The following XPO4 variants were observed in gnomAD, a reference collection of about 807,000 sequenced individuals.
The protein encoded by XPO4 is exportin 4, also known as exportin-4.
A neutral mutation model predicts 143.0 loss-of-function variants in XPO4; 39 were observed. The ratio of observed to expected loss-of-function variants is 0.27; its 90% CI spans 0.21 to 0.36. The LOEUF is 0.36. Among genes scored for constraint, XPO4 ranks in the 10% least tolerant of loss-of-function variants. XPO4 has a pLI of 1.00. For synonymous variants in XPO4, 439 were observed against 474.0 expected, an observed-to-expected ratio of 0.93 and a Z score of 0.96; for missense variants, 907 against 1,348.0, an observed-to-expected ratio of 0.67 and a Z score of 5.12.
At chr13:20,807,235 T>C (rs1296629077) in intron 13 of XPO4, among the ~76,000 whole-genome samples, 2 of 152,176 alleles carry the variant, frequency 1.3e-5, no homozygotes, top group East Asian at 3.9e-4. Context: ...TGACATTACT[T>C]TTCTTCAGTA....
chr13:20,819,531 A>T lies in XPO4; in HGVS notation c.1173+2173T>A, dbSNP rs570436790. ...AAAAATTAGCCGGGCGTGATGGCGCATGCCTGTAATCCCAGCTACTCGGGA... is the reference window on the plus strand; with the variant it reads ...AAAAATTAGCCGGGCGTGATGGCGCTTGCCTGTAATCCCAGCTACTCGGGA... On this transcript the variant is annotated intron_variant, in intron 9 of 22. Transcript: ENST00000255305. Among the ~76,000 whole-genome samples, 120 of 152,162 alleles carry T rather than the reference A, an allele frequency of 7.9e-4. 1 individual carries two copies. Among genetic ancestry groups the T allele is most frequent in the African/African-American group, 2.9e-3 (119 of 41,530 alleles).
chr13:20,846,492 C>T (rs542628265), intron 4 of XPO4, among the ~76,000 whole-genome samples: 6 of 152,306 alleles, frequency 3.9e-5, no homozygotes, highest in African/African-American at 1.4e-4. Context: ...CCCTCCAAAA[C>T]AGCAAACTTC....
At chr13:20,830,634 A>G (rs1419881985) in intron 6 of XPO4, among the ~76,000 whole-genome samples, 1 of 152,220 alleles carries the variant, frequency 6.6e-6, no homozygotes, top group East Asian at 1.9e-4. Context: ...AAGCATTTAA[A>G]TAAAAAACAT....
chr13:20,902,182 G>C (rs1166375449), intron 1 of XPO4: 5 of 985,350 alleles, frequency 5.1e-6, no homozygotes, highest in Middle Eastern at 5.2e-4. Flanking sequence ...TCCAGAGGTG[G>C]CTGCATGTCA....
At position 20,781,593 on chromosome 13, in the gene XPO4, T is replaced by C. The variant is rs1354318749; in HGVS notation, c.*2129A>G. On this transcript the variant is annotated 3_prime_UTR_variant, in exon 23 of 23. Coordinates refer to ENST00000255305, the MANE Select transcript of XPO4 (RefSeq NM_022459.5). ...AGGATCTGGGCAAATTTTGCAAATA[T>C]GTTGCCATCTGGATAAAAGTTATTA... 6.6e-6 allele frequency: 1 copy of C among 152,622 alleles called. No homozygotes were observed. Among genetic ancestry groups the C allele is most frequent in the Admixed American group, 6.5e-5 (1 of 15,290 alleles). The allele number at this position is 152,622 out of a possible 1,614,324, so 9.5% of individuals were successfully genotyped here. A position where few individuals can be genotyped will look rare whatever the true frequency, so the allele number is the denominator to read the frequency against.
chr13:20,817,936 C>G (rs1335535859), intron 9 of XPO4, among the ~76,000 whole-genome samples: 2 of 151,086 alleles, frequency 1.3e-5, no homozygotes, highest in Admixed American at 1.3e-4. Flanking sequence ...GCTGGGATTA[C>G]AGGAGTGTGC....
At chr13:20,796,577 T>A (rs2059361120) in intron 17 of XPO4, among the ~76,000 whole-genome samples, 187 bp downstream of exon 17, 1 of 151,866 alleles carries the variant, frequency 6.6e-6, no homozygotes, top group South Asian at 2.1e-4. Context: ...AAAAAAAAAA[T>A]TTACATTCAT....
intron 1 of XPO4, among the ~76,000 whole-genome samples, chr13:20,889,205 T>C (rs904163764): frequency 6.6e-6 from 1 of 152,176 alleles, no homozygotes; most frequent in South Asian, 2.1e-4. Context: ...TCCTCAGATA[T>C]ACTAGGGATA....
At chr13:20,799,892 T>C (rs544446520) in intron 15 of XPO4, among the ~76,000 whole-genome samples, 119 of 152,318 alleles carry the variant, frequency 7.8e-4, no homozygotes, top group African/African-American at 2.6e-3. Flanking sequence ...ACACGATAAA[T>C]TACTAATGTG....
intron 1 of XPO4, among the ~76,000 whole-genome samples, chr13:20,895,059 T>C (rs1414357811): frequency 1.3e-5 from 2 of 151,534 alleles, no homozygotes; most frequent in South Asian, 2.1e-4. Flanking sequence ...GCACCTGTAG[T>C]CCCAGCTACT....
chr13:20,806,068 A>G (rs982858252), intron 13 of XPO4, among the ~76,000 whole-genome samples: 1 of 152,222 alleles, frequency 6.6e-6, no homozygotes, highest in African/African-American at 2.4e-5. Flanking sequence ...AGCAAAAAAT[A>G]TAACAAAGAA....
At chr13:20,828,376 C>A (rs1270978746) in intron 6 of XPO4, among the ~76,000 whole-genome samples, 1 of 152,090 alleles carries the variant, frequency 6.6e-6, no homozygotes, top group African/African-American at 2.4e-5. Flanking sequence ...GAGCTATCGT[C>A]TGAAAAAAGT....
intron 4 of XPO4, among the ~76,000 whole-genome samples, chr13:20,855,282 C>A (rs770947906): frequency 2.6e-5 from 4 of 151,886 alleles, no homozygotes; most frequent in Non-Finnish European, 5.9e-5. Flanking sequence ...ATGAAGAAAC[C>A]CTGTCTCTAC....
rs573124291 is a variant in XPO4 at position 20,807,217 on chromosome 13, G to C, written c.1817+240C>G. Among the ~76,000 whole-genome samples, 3 of 152,274 alleles carry C rather than the reference G, an allele frequency of 2.0e-5. No homozygotes were observed. In the South Asian group the frequency reaches 6.2e-4, roughly 32 times the overall value. On this transcript the variant is annotated intron_variant, in intron 13 of 22. Transcript: ENST00000255305. ...TCCCTTCCAAGTCTCATTGTATTCAGAATAATTTGACATTACTTTTCTTCA... is the reference window on the plus strand; with the variant it reads ...TCCCTTCCAAGTCTCATTGTATTCACAATAATTTGACATTACTTTTCTTCA...
In XPO4 at chr13:20,783,510, T is replaced by C. The variant is rs2059164535; in HGVS notation, c.*212A>G. On this transcript the variant is annotated 3_prime_UTR_variant, in exon 23 of 23. Coordinates refer to ENST00000255305, the MANE Select transcript of XPO4 (RefSeq NM_022459.5). ...CACCATTCAGAATCTAAAAGACATA[T>C]ATATGACAGATTGTGGCTAACACTT... is the stretch of plus-strand genomic sequence containing the variant. The C allele has an allele frequency of 5.1e-6, 3 of 590,482 alleles. No individual in the cohort carries two copies. Among genetic ancestry groups the C allele is most frequent in the South Asian group, 2.1e-5 (1 of 48,238 alleles). 36.6% of individuals were successfully genotyped at this position (590,482 alleles called of 1,614,324 possible). A position where few individuals can be genotyped will look rare whatever the true frequency, so the allele number is the denominator to read the frequency against.
chr13:20,789,569 TG>T (rs2059251566), intron 19 of XPO4, among the ~76,000 whole-genome samples: 2 of 145,260 alleles, frequency 1.4e-5, no homozygotes, highest in African/African-American at 2.6e-5. Context: ...TTTTTTTTTG[TG>T]TGTGTGTGTG....
At chr13:20,902,327 CT>C in intron 1 of XPO4, 5 of 985,444 alleles carry the variant, frequency 5.1e-6, no homozygotes, top group Non-Finnish European at 6.0e-6. Context: ...TACCGAAGCC[CT>C]GCGGGGATAA....
intron 5 of XPO4, 86 bp from the exon 6 acceptor site, chr13:20,843,134 C>T: frequency 1.5e-6 from 2 of 1,308,190 alleles, no homozygotes; most frequent in Non-Finnish European, 2.1e-6. Context: ...AAACAAACAC[C>T]TTAAAATTTC....
chr13:20,810,829 T>G (rs1432060365), intron 9 of XPO4, among the ~76,000 whole-genome samples: 2 of 152,240 alleles, frequency 1.3e-5, no homozygotes, highest in Non-Finnish European at 2.9e-5. Context: ...TGAAATTGTT[T>G]AGCTTGTAAT....
Sources: gnomAD v4.1 joint callset for allele counts (sites outside exome capture counted in the v4.1 genomes callset) on GRCh38, gnomAD v4.1.1 for gene constraint, MANE v1.5 for transcripts, NCBI Gene and HGNC (gene_info 2026-07-23, HGNC 2026-07-21) for gene names.